Variants in NBL1 observed in about 807,000 individuals in gnomAD.
NBL1 encodes the protein neuroblastoma suppressor of tumorigenicity 1.
NBL1 carries 9 observed loss-of-function variants against 16.0 expected under a neutral mutation model. That is an observed-to-expected ratio of 0.56 (90% CI 0.34 to 0.98). The LOEUF (loss-of-function observed/expected upper bound fraction) is 0.98. Among genes scored for constraint, NBL1 ranks in the 50% least tolerant of loss-of-function variants. The pLI, the probability that NBL1 is intolerant of heterozygous loss-of-function variation, is 0.02. For missense variants in NBL1, 196 were observed against 243.1 expected, an observed-to-expected ratio of 0.81 and a Z score of 1.29; for synonymous variants, 86 against 100.7, an observed-to-expected ratio of 0.85 and a Z score of 0.87.
chr1:19,650,023 G>A (rs866409529), intron 1 of NBL1, among the ~76,000 whole-genome samples: 4 of 150,290 alleles, frequency 2.7e-5, no homozygotes, highest in African/African-American at 1.0e-4. Context: ...CGCCCAGGCT[G>A]GAGTGCAGTG....
rs760397890 is a variant in NBL1 at position 19,655,004 on chromosome 1, C to T, written c.-19-8C>T. ...TGTGCCTCACCTGGCACCTGTGCTC[C>T]GTTCTAGGGCTCTGGAGGCCACGGG... On this transcript the variant is annotated splice_region_variant and splice_polypyrimidine_tract_variant and intron_variant, in intron 1 of 3. Coordinates refer to ENST00000375136, the MANE Select transcript of NBL1 (RefSeq NM_005380.8). The T allele has an allele frequency of 2.6e-5, 41 of 1,567,346 alleles. No individual in the cohort carries two copies. The highest frequency in any genetic ancestry group is 3.2e-5 in the Non-Finnish European group (37 of 1,155,642).
intron 1 of NBL1, chr1:19,645,747 G>A: frequency 7.3e-7 from 1 of 1,367,078 alleles, no homozygotes; most frequent in Non-Finnish European, 9.5e-7. Context: ...CCTGCAAGCT[G>A]GACCTCTCTC....
chr1:19,653,728 G>A (rs2095040381), intron 1 of NBL1, among the ~76,000 whole-genome samples: 1 of 152,178 alleles, frequency 6.6e-6, no homozygotes, highest in South Asian at 2.1e-4. Flanking sequence ...GAGGGTTTGG[G>A]GGCCTCCTTG....
rs1426058200 is a variant in NBL1 at position 19,657,201 on chromosome 1, G to A, written c.*72G>A. 2 of 706,366 alleles carry A rather than the reference G, an allele frequency of 2.8e-6. No individual in the cohort carries two copies. The highest frequency in any genetic ancestry group is 5.5e-5 in the East Asian group (2 of 36,574). 43.8% of individuals were successfully genotyped at this position (706,366 alleles called of 1,614,324 possible). On this transcript the variant is annotated 3_prime_UTR_variant, in exon 4 of 4. Coordinates refer to ENST00000375136, the MANE Select transcript of NBL1 (RefSeq NM_005380.8). ...GGTCTCACTCTCTGGGGAAGTCAGG[G>A]GAGAAGCTGAAGCCCCCCTTTGGCA...
At chr1:19,644,216 C>T, upstream of NBL1, 1 of 977,126 alleles carries the variant, frequency 1.0e-6, no homozygotes, top group Non-Finnish European at 1.2e-6. The surrounding 1 kb of genome is among the most constrained non-coding windows in gnomAD (Gnocchi z 4.6). Context: ...TTTCTGCGCG[C>T]GGCCCTCCCC....
chr1:19,655,192 C>A lies in NBL1; in HGVS notation c.162C>A (p.Ile54=), dbSNP rs1558366985. ...ACAGCGGCTGTGAGGCCAAGTCCAT[C>A]CAGAACAGGTGGGACCCAAGGGGTG... ...VGHSGCEAKS[I]QNRACLGQCF... is the part of the protein sequence containing the mutation. Residue 54 remains isoleucine (I), a synonymous_variant, in exon 2 of 4, where the codon ATC becomes ATA. Transcript: ENST00000375136. 4 of 1,607,432 alleles carry A rather than the reference C, an allele frequency of 2.5e-6. No homozygotes were observed. The highest frequency in any genetic ancestry group is 3.4e-6 in the Non-Finnish European group (4 of 1,176,986).
rs540374009 is a variant in NBL1 at position 19,651,910 on chromosome 1, T to G, written c.-19-3102T>G. Among the ~76,000 whole-genome samples, 5 of 152,246 alleles carry G rather than the reference T, an allele frequency of 3.3e-5. No individual in the cohort carries two copies. In the South Asian group the frequency reaches 8.3e-4, roughly 25 times the overall value. ...TGTGATAATAAAAAAATATTTTATT[T>G]TATTTTATTTTATTTTGAGACCAAG... is the stretch of plus-strand genomic sequence containing the variant. On this transcript the variant is annotated intron_variant, in intron 1 of 3. Coordinates refer to ENST00000375136, the MANE Select transcript of NBL1 (RefSeq NM_005380.8).
Position 19,644,386 on chromosome 1 carries a change from C to G in NBL1, c.-80C>G, listed in dbSNP as rs2094964839. 2.0e-6 allele frequency: 2 copies of G among 978,780 alleles called. No individual in the cohort carries two copies. The highest frequency in any genetic ancestry group is 2.4e-6 in the Non-Finnish European group (2 of 827,202). 60.6% of individuals were successfully genotyped at this position (978,780 alleles called of 1,614,324 possible). A position where few individuals can be genotyped will look rare whatever the true frequency, so the allele number is the denominator to read the frequency against. ...CCCTGCCGGCCGCCTCGCCGAGCCT[C>G]CTGGGGCGCCCGGGCCCGCGACCCC... On this transcript the variant is annotated 5_prime_UTR_variant, in exon 1 of 4. Coordinates refer to ENST00000375136, the MANE Select transcript of NBL1 (RefSeq NM_005380.8). This position sits in a 1 kb window ranked among gnomAD's most constrained non-coding sequence, Gnocchi z 4.6.
chr1:19,656,817 GC>G, intron 3 of NBL1, 48 bp from the exon 4 acceptor site: 1 of 1,559,752 alleles, frequency 6.4e-7, no homozygotes, highest in Non-Finnish European at 8.7e-7. Flanking sequence ...TGCCTTGCCT[GC>G]CCCAGACCTT....
intron 1 of NBL1, among the ~76,000 whole-genome samples, chr1:19,649,589 C>T (rs1295107186): frequency 6.6e-6 from 1 of 151,976 alleles, no homozygotes; most frequent in South Asian, 2.1e-4. Flanking sequence ...GAACTCCTGA[C>T]CTCAAGTGAT....
chr1:19,656,476 A>T (rs1263594526), intron 3 of NBL1, among the ~76,000 whole-genome samples: 1 of 151,264 alleles, frequency 6.6e-6, no homozygotes, highest in African/African-American at 2.4e-5. Flanking sequence ...GCCCAAGCAC[A>T]GGATTGGTAA....
At chr1:19,651,863 A>G (rs570617640) in intron 1 of NBL1, among the ~76,000 whole-genome samples, 2 of 152,312 alleles carry the variant, frequency 1.3e-5, no homozygotes, top group East Asian at 1.9e-4. Flanking sequence ...ATAATGTGAT[A>G]ATAAAAAATG....
Position 19,644,465 on chromosome 1 carries a change from G to A in NBL1, c.-20+19G>A. ...GCGCGCGGTAAGTCCCGCCCGGGTC[G>A]GCACGCGGGCGCCCGGCTTCCAGAG... On this transcript the variant is annotated intron_variant, in intron 1 of 3. Transcript: ENST00000375136. This position sits in a 1 kb window ranked among gnomAD's most constrained non-coding sequence, Gnocchi z 4.6. 20 of 978,038 alleles carry A rather than the reference G, an allele frequency of 2.0e-5. No individual in the cohort carries two copies. The highest frequency in any genetic ancestry group is 2.4e-5 in the Non-Finnish European group (20 of 826,558). The allele number at this position is 978,038 out of a possible 1,614,324, so 60.6% of individuals were successfully genotyped here.
chr1:19,644,233 C>CCGCCCTCCCCGCTGCCG, upstream of NBL1: 1 of 978,786 alleles, frequency 1.0e-6, no homozygotes, highest in Non-Finnish European at 1.2e-6. The surrounding 1 kb of genome is among the most constrained non-coding windows in gnomAD (Gnocchi z 4.6). Context: ...CCCCGCTGCC[C>CCGCCCTCCCCGCTGCCG]CCGCCCTCGC....
Position 19,646,586 on chromosome 1 carries a change from C to T in NBL1, c.-20+2140C>T, listed in dbSNP as rs566498738. 4.0e-3 allele frequency among the ~76,000 whole-genome samples: 603 copies of T among 152,324 alleles called. 1 individual carries two copies. Among genetic ancestry groups the T allele is most frequent in the African/African-American group, 0.013 (537 of 41,582 alleles). ...TTCAAGGAAGTCCCTGTGCTCATTT[C>T]AAGACCTGGAGCGATCGCCCCGCCC... is the stretch of plus-strand genomic sequence containing the variant. On this transcript the variant is annotated intron_variant, in intron 1 of 3. Coordinates refer to ENST00000375136, the MANE Select transcript of NBL1 (RefSeq NM_005380.8).
In NBL1 at chr1:19,651,364, T is replaced by C. The variant is rs1041714994; in HGVS notation, c.-19-3648T>C. Among the ~76,000 whole-genome samples the C allele has an allele frequency of 4.6e-5, 7 of 152,330 alleles. 1 individual carries two copies. Among genetic ancestry groups the C allele is most frequent in the Admixed American group, 6.5e-5 (1 of 15,298 alleles). On this transcript the variant is annotated intron_variant, in intron 1 of 3. Transcript: ENST00000375136. ...TCTGTGGACACAGCTGGCCCTGTGA[T>C]AACCTCAGCTGTGCACTGGAAAGGG...
Position 19,656,979 on chromosome 1 carries a change from G to A in NBL1, c.396G>A (p.Leu132=), listed in dbSNP as rs1156856204. 2 of 1,608,962 alleles carry A rather than the reference G, an allele frequency of 1.2e-6. No individual in the cohort carries two copies. The highest frequency in any genetic ancestry group is 1.7e-6 in the Non-Finnish European group (2 of 1,177,924). The part of the protein sequence containing the change: ...ACGKEPSHEG[L]SVYVQGEDGP... The stretch of plus-strand genomic sequence containing the variant: ...GCAAGGAGCCTAGTCACGAGGGGCT[G>A]AGCGTCTATGTGCAGGGCGAGGACG... Residue 132 remains leucine, a synonymous_variant, in exon 4 of 4, where the codon CTG becomes CTA. Transcript: ENST00000375136.
chr1:19,651,141 G>A (rs556428594), intron 1 of NBL1, among the ~76,000 whole-genome samples: 2 of 152,192 alleles, frequency 1.3e-5, no homozygotes, highest in South Asian at 4.1e-4. Context: ...CAGTTTCTGA[G>A]GAGTGAACTT....
At chr1:19,645,317 G>A in intron 1 of NBL1, 4 of 976,216 alleles carry the variant, frequency 4.1e-6, no homozygotes, top group Non-Finnish European at 4.9e-6. Context: ...CTGGACGACA[G>A]GCCCTGCTGC....
Sources: gnomAD v4.1 joint callset for allele counts (sites outside exome capture counted in the v4.1 genomes callset) on GRCh38, gnomAD v4.1.1 for gene constraint, Gnocchi (gnomAD v3.1) non-coding constraint, MANE v1.5 for transcripts, NCBI Gene and HGNC (gene_info 2026-07-23, HGNC 2026-07-21) for gene names.